PRPF8: variants seen among roughly 807,000 people sequenced by gnomAD.
PRPF8 encodes pre-mRNA-processing-splicing factor 8.
PRPF8 carries 64 observed loss-of-function variants against 285.9 expected under a neutral mutation model. The ratio of observed to expected loss-of-function variants is 0.22; its 90% confidence interval spans 0.18 to 0.28. The LOEUF (loss-of-function observed/expected upper bound fraction) is 0.28, where lower values mean the gene tolerates loss of function less well. PRPF8 is among the 10% of genes least tolerant of loss of function. The pLI is 1.00. For synonymous variants in PRPF8, 1,325 were observed against 1,118.2 expected (o/e 1.18, Z -3.69); for missense variants, 1,426 against 3,026.7 (o/e 0.47, Z 12.41).
At position 1,684,520 on chromosome 17, in the gene PRPF8, G is replaced by C; in HGVS notation, c.52C>G (p.Leu18Val). 1 of 1,612,636 alleles carries C rather than the reference G, an allele frequency of 6.2e-7. No individual in the cohort carries two copies. The highest frequency in any genetic ancestry group is 8.5e-7 in the Non-Finnish European group (1 of 1,179,844). The change falls in exon 2 of 43, where the codon CTA (leucine) becomes GTA (valine). Residue 18 changes from leucine (L) to valine (V), a missense_variant. Physicochemically the swap from Leu to Val is conservative, Grantham distance 32. This residue lies in a region of PRPF8 where 72 missense variants were observed against 80.0 expected (regional missense o/e 0.90). Coordinates refer to ENST00000304992, the MANE Select transcript of PRPF8 (RefSeq NM_006445.4). ...GACATGTAGTCCGGTAGCGGGGCTAGAGGGCCAGGCACCGGGTTACCCGGC... is the reference window on the plus strand; with the variant it reads ...GACATGTAGTCCGGTAGCGGGGCTACAGGGCCAGGCACCGGGTTACCCGGC... Reference protein sequence around the residue: ...RGPGNPVPGPLAPLPDYMSEE... With the variant: ...RGPGNPVPGPVAPLPDYMSEE...
At position 1,682,179 on chromosome 17, in the gene PRPF8, G is replaced by A. The variant is rs759914879; in HGVS notation, c.384C>T (p.Phe128=). ...CAATGACCCAGGGAATCTCATTGAC[G>A]AAGGAAATGGCTCCAGTGATGTGGT... ...VLYHITGAIS[F]VNEIPWVIEP... The change falls in exon 4 of 43, where the codon TTC becomes TTT. Residue 128 remains phenylalanine, a synonymous_variant. Coordinates refer to ENST00000304992, the MANE Select transcript of PRPF8 (RefSeq NM_006445.4). 2.9e-5 allele frequency: 46 copies of A among 1,613,910 alleles called. No homozygotes were observed. The highest frequency in any genetic ancestry group is 1.1e-4 in the East Asian group (5 of 44,890).
In PRPF8 at chr17:1,658,858, C is replaced by T. The variant is rs752472193; in HGVS notation, c.5139-95G>A. ...ACTCTACAGAGGAAGAAAGACTGTT[C>T]GCCAGGCTGACAACACTCTGCTCAT... is the stretch of plus-strand genomic sequence containing the variant. On this transcript the variant is annotated intron_variant, in intron 32 of 42. Coordinates refer to ENST00000304992, the MANE Select transcript of PRPF8 (RefSeq NM_006445.4). The surrounding 1 kb of genome is among the most constrained non-coding windows in gnomAD (Gnocchi z 4.1). 6 of 1,106,972 alleles carry T rather than the reference C, an allele frequency of 5.4e-6. No homozygotes were observed. Among genetic ancestry groups the T allele is most frequent in the African/African-American group, 4.6e-5 (3 of 64,744 alleles). 68.6% of individuals were successfully genotyped at this position (1,106,972 alleles called of 1,614,324 possible).
chr17:1,660,625 C>G, intron 29 of PRPF8, 47 bp from the exon 30 acceptor site: 1 of 1,614,174 alleles, frequency 6.2e-7, no homozygotes, highest in Non-Finnish European at 8.5e-7. Context: ...GAGACTCGGG[C>G]GCTCACGACA....
intron 7 of PRPF8, 33 bp from the exon 8 acceptor site, chr17:1,680,864 C>A (rs1172226884): frequency 6.8e-6 from 11 of 1,614,018 alleles, no homozygotes; most frequent in Non-Finnish European, 8.5e-6. Flanking sequence ...CCAAAGTTTT[C>A]CCGCCCTGGC....
Position 1,651,463 on chromosome 17 carries a change from C to T in PRPF8, c.6601G>A (p.Ala2201Thr). The T allele has an allele frequency of 6.2e-7, 1 of 1,614,154 alleles. No individual in the cohort carries two copies. The highest frequency in any genetic ancestry group is 1.3e-5 in the African/African-American group (1 of 75,042). Residue 2201 changes from alanine to threonine, a missense_variant, in exon 41 of 43, where the codon GCT (alanine) becomes ACT (threonine). Physicochemically the swap from Ala to Thr is moderately conservative, Grantham distance 58 (BLOSUM62 0). This residue lies in a region of PRPF8 where 160 missense variants were observed against 373.7 expected (regional missense o/e 0.43). Coordinates refer to ENST00000304992, the MANE Select transcript of PRPF8 (RefSeq NM_006445.4). This position sits in a 1 kb window ranked among gnomAD's most constrained non-coding sequence, Gnocchi z 5.1. ...TCGCCATCCCAAGATGGGTTGTCAG[C>T]CATGATCTTGGCATGGGTGGTGACA... ...QDVTTHAKIM[A>T]DNPSWDGEKT...
In PRPF8 at chr17:1,684,244, T is replaced by C. The variant is rs114419573; in HGVS notation, c.100+228A>G. On this transcript the variant is annotated intron_variant, in intron 2 of 42. Coordinates refer to ENST00000304992, the MANE Select transcript of PRPF8 (RefSeq NM_006445.4). ...TTATTCTCTGTCTCTCCCGCTGTAA[T>C]TTAAACCCCGTAAGGACAGGAATTT... Among the ~76,000 whole-genome samples, 669 of 152,262 alleles carry C rather than the reference T, an allele frequency of 4.4e-3. 4 individuals are homozygous for C. The highest frequency in any genetic ancestry group is 0.015 in the African/African-American group (631 of 41,566).
intron 36 of PRPF8, 75 bp downstream of exon 36, chr17:1,656,314 CAAA>C (rs1358814259): frequency 2.2e-5 from 35 of 1,586,426 alleles, no homozygotes; most frequent in Non-Finnish European, 2.6e-5. Flanking sequence ...GTGAAAATGG[CAAA>C]AACCTGACAC....
intron 8 of PRPF8, 127 bp downstream of exon 8, chr17:1,680,599 T>TAA: frequency 1.2e-6 from 1 of 852,144 alleles, no homozygotes; most frequent in Non-Finnish European, 2.0e-6. Flanking sequence ...TATTCGCTTA[T>TAA]AGCTCAAGGG....
chr17:1,672,788 G>A (rs1034912716), intron 24 of PRPF8, among the ~76,000 whole-genome samples: 3 of 152,050 alleles, frequency 2.0e-5, no homozygotes, highest in African/African-American at 7.2e-5. Context: ...CTGAGAAAAT[G>A]CAAAAATAAT....
chr17:1,681,568 T>C lies in PRPF8; in HGVS notation c.776A>G (p.Asp259Gly). Residue 259 changes from aspartate (D) to glycine (G), a missense_variant, in exon 6 of 43, where the codon GAT becomes GGT. Asp to Gly is a moderately conservative substitution (Grantham distance 94). Around this residue, in one of 34 missense-constraint regions of PRPF8, gnomAD observed 157 missense variants for 159.6 expected, o/e 0.98. Transcript: ENST00000304992. ...CTTGGACGTAAAGAAGGCCTTCAAATCAAACAGGTAGAAGTAGTTGTCATC... is the reference window on the plus strand; with the variant it reads ...CTTGGACGTAAAGAAGGCCTTCAAACCAAACAGGTAGAAGTAGTTGTCATC... ...LVDDNYFYLF[D>G]LKAFFTSKAL... 1 of 1,613,878 alleles carries C rather than the reference T, an allele frequency of 6.2e-7. No individual in the cohort carries two copies. The highest frequency in any genetic ancestry group is 2.2e-5 in the East Asian group (1 of 44,880).
chr17:1,662,694 G>A (rs1226242094), intron 24 of PRPF8, among the ~76,000 whole-genome samples: 22 of 151,820 alleles, frequency 1.4e-4, no homozygotes, highest in Non-Finnish European at 1.5e-5. Flanking sequence ...CTGAGGTCAG[G>A]AGTTCAAGAC....
Position 1,673,579 on chromosome 17 carries a change from G to C in PRPF8, c.3447-12C>G. 4 of 1,613,922 alleles carry C rather than the reference G, an allele frequency of 2.5e-6. No homozygotes were observed. In the South Asian group the frequency reaches 4.4e-5, roughly 18 times the overall value. ...ATACCGCCCGGCCTCTGCCCACAGA[G>C]AACACATGGTCACAGCAGTTTCTTG... is the stretch of plus-strand genomic sequence containing the variant. On this transcript the variant is annotated splice_polypyrimidine_tract_variant and intron_variant, in intron 22 of 42. Coordinates refer to ENST00000304992, the MANE Select transcript of PRPF8 (RefSeq NM_006445.4). The surrounding 1 kb of genome is among the most constrained non-coding windows in gnomAD (Gnocchi z 5.5).
rs761059411 is a variant in PRPF8 at position 1,675,833 on chromosome 17, T to G, written c.2680-21A>C. ...CCCACCTGTGGGACAAGGAGGCTGG[T>G]TCACACCAATCCACCAACTGCTACC... On this transcript the variant is annotated intron_variant, in intron 18 of 42. Transcript: ENST00000304992. This position sits in a 1 kb window ranked among gnomAD's most constrained non-coding sequence, Gnocchi z 6.0. 1 of 1,614,084 alleles carries G rather than the reference T, an allele frequency of 6.2e-7. No homozygotes were observed. The highest frequency in any genetic ancestry group is 8.5e-7 in the Non-Finnish European group (1 of 1,180,022).
At position 1,675,262 on chromosome 17, in the gene PRPF8, T is replaced by C; in HGVS notation, c.2950A>G (p.Met984Val). The C allele has an allele frequency of 6.2e-7, 1 of 1,614,176 alleles. No individual in the cohort carries two copies. Among genetic ancestry groups the C allele is most frequent in the African/African-American group, 1.3e-5 (1 of 75,054 alleles). Residue 984 changes from methionine to valine, a missense_variant, in exon 20 of 43, where the codon ATG (methionine) becomes GTG (valine). Met to Val is a conservative substitution (Grantham distance 21). Coordinates refer to ENST00000304992, the MANE Select transcript of PRPF8 (RefSeq NM_006445.4). The surrounding 1 kb of genome is among the most constrained non-coding windows in gnomAD (Gnocchi z 6.0). ...AGAGTCAAGTCGATCTTCTCATACA[T>C]CTTCTCAAAGCGGGATTCCAGCATG... Reference protein sequence around the residue: ...NVMLESRFEKMYEKIDLTLLN... With the variant: ...NVMLESRFEKVYEKIDLTLLN...
intron 24 of PRPF8, among the ~76,000 whole-genome samples, chr17:1,670,152 T>C (rs1161439955): frequency 6.6e-6 from 1 of 152,226 alleles, no homozygotes; most frequent in Non-Finnish European, 1.5e-5. Flanking sequence ...CACATGTGTA[T>C]ATATGTACTT....
Position 1,651,085 on chromosome 17 carries a change from A to G in PRPF8, c.6853+23T>C. ...ACCTTATCCCTACTGCTATCCCCACATCCCCAGGCTCCTCCCACTTACCCA... is the reference window on the plus strand; with the variant it reads ...ACCTTATCCCTACTGCTATCCCCACGTCCCCAGGCTCCTCCCACTTACCCA... On this transcript the variant is annotated intron_variant, in intron 42 of 42. Coordinates refer to ENST00000304992, the MANE Select transcript of PRPF8 (RefSeq NM_006445.4). This position sits in a 1 kb window ranked among gnomAD's most constrained non-coding sequence, Gnocchi z 5.1. The G allele has an allele frequency of 6.2e-7, 1 of 1,614,092 alleles. No individual in the cohort carries two copies. The highest frequency in any genetic ancestry group is 1.7e-5 in the Admixed American group (1 of 60,016).
At position 1,676,930 on chromosome 17, in the gene PRPF8, C is replaced by A; in HGVS notation, c.2181+46G>T. The A allele has an allele frequency of 6.2e-7, 1 of 1,606,014 alleles. No individual in the cohort carries two copies. The highest frequency in any genetic ancestry group is 8.5e-7 in the Non-Finnish European group (1 of 1,176,046). ...TGATTCCCGAAGTGGTAATCCTACCCTAAAGACGGATGTTTACGCCTCCAA... is the reference window on the plus strand; with the variant it reads ...TGATTCCCGAAGTGGTAATCCTACCATAAAGACGGATGTTTACGCCTCCAA... On this transcript the variant is annotated intron_variant, in intron 15 of 42. Coordinates refer to ENST00000304992, the MANE Select transcript of PRPF8 (RefSeq NM_006445.4). This position sits in a 1 kb window ranked among gnomAD's most constrained non-coding sequence, Gnocchi z 6.3.
chr17:1,681,427 T>A (rs766280002), intron 6 of PRPF8, 51 bp downstream of exon 6: 254 of 1,511,566 alleles, frequency 1.7e-4, no homozygotes, highest in Non-Finnish European at 2.3e-4. Flanking sequence ...GGATCAAGAT[T>A]ACGTTTCATT....
Position 1,655,558 on chromosome 17 carries a change from G to C in PRPF8, c.5794-15C>G. 6.3e-7 allele frequency: 1 copy of C among 1,597,084 alleles called. No homozygotes were observed. The highest frequency in any genetic ancestry group is 8.6e-7 in the Non-Finnish European group (1 of 1,164,574). On this transcript the variant is annotated splice_polypyrimidine_tract_variant and intron_variant, in intron 36 of 42. Coordinates refer to ENST00000304992, the MANE Select transcript of PRPF8 (RefSeq NM_006445.4). ...CGGGAGAAGGCCTGGGAAAAGATTTGGAAGAGTGGGGTAGGTCAGCTGCTT... is the reference window on the plus strand; with the variant it reads ...CGGGAGAAGGCCTGGGAAAAGATTTCGAAGAGTGGGGTAGGTCAGCTGCTT...
Sources: allele counts gnomAD v4.1 joint callset (sites outside exome capture counted in the v4.1 genomes callset), GRCh38; gene constraint gnomAD v4.1.1; regional missense constraint gnomAD v4.1.1; non-coding constraint Gnocchi (gnomAD v3.1); transcripts MANE v1.5; gene names NCBI Gene and HGNC (gene_info 2026-07-23, HGNC 2026-07-21).